B4GALNT3: variants seen among roughly 807,000 people sequenced by gnomAD.
B4GALNT3 encodes the protein beta-1,4-N-acetylgalactosaminyltransferase 3.
A neutral mutation model predicts 120.2 loss-of-function variants in B4GALNT3; 86 were observed. That is an observed-to-expected ratio of 0.72 (90% CI 0.60 to 0.86). The LOEUF is 0.86. Among genes scored for constraint, B4GALNT3 ranks in the 40% least tolerant of loss-of-function variants. The pLI, the probability that B4GALNT3 is intolerant of heterozygous loss-of-function variation, is 0.00. For missense variants in B4GALNT3, 1,167 were observed against 1,298.9 expected (o/e 0.90, Z 1.56); for synonymous variants, 518 against 510.4 (o/e 1.01, Z -0.20).
intron 11 of B4GALNT3, 131 bp downstream of exon 11, chr12:551,162 C>CT: frequency 1.3e-6 from 1 of 783,264 alleles, no homozygotes; most frequent in Non-Finnish European, 2.1e-6. Context: ...GACGTCCTCA[C>CT]AGGTCCCTGG....
intron 1 of B4GALNT3, among the ~76,000 whole-genome samples, chr12:508,604 C>T (rs758807948): frequency 3.9e-5 from 6 of 152,156 alleles, no homozygotes; most frequent in East Asian, 1.9e-4. Flanking sequence ...AGCCTCCGAT[C>T]GGCCTTATTC....
chr12:500,512 T>A (rs1366637039), intron 1 of B4GALNT3, among the ~76,000 whole-genome samples: 1 of 152,186 alleles, frequency 6.6e-6, no homozygotes, highest in African/African-American at 2.4e-5. Flanking sequence ...GGAGCCAGGA[T>A]AACTGAGCTG....
chr12:561,257 G>A (rs547058552), intron 19 of B4GALNT3, 86 bp from the exon 20 acceptor site: 482 of 1,002,698 alleles, frequency 4.8e-4, no homozygotes, highest in Middle Eastern at 8.3e-4. Flanking sequence ...CGTGGGGAGC[G>A]AACAGAGGGT....
chr12:556,076 C>T (rs182748817), intron 14 of B4GALNT3, among the ~76,000 whole-genome samples: 1 of 152,334 alleles, frequency 6.6e-6, no homozygotes, highest in Admixed American at 6.5e-5. Flanking sequence ...AGCCACTGCA[C>T]CTGGCATTGT....
intron 1 of B4GALNT3, among the ~76,000 whole-genome samples, chr12:461,096 C>G (rs913181829): frequency 6.6e-6 from 1 of 152,144 alleles, no homozygotes; most frequent in African/African-American, 2.4e-5. Flanking sequence ...AGAGTCCCGT[C>G]TCTTCCCCGC....
intron 1 of B4GALNT3, among the ~76,000 whole-genome samples, chr12:488,481 TTATA>T (rs1460816816): frequency 6.6e-6 from 1 of 152,168 alleles, no homozygotes; most frequent in Non-Finnish European, 1.5e-5. Context: ...TGATGTATGC[TTATA>T]TATAAGTGAA....
At chr12:532,971 G>A (rs1482131371) in intron 1 of B4GALNT3, among the ~76,000 whole-genome samples, 3 of 152,172 alleles carry the variant, frequency 2.0e-5, no homozygotes, top group Non-Finnish European at 4.4e-5. Flanking sequence ...CCACTGATGG[G>A]GCAGGCAGCA....
intron 1 of B4GALNT3, among the ~76,000 whole-genome samples, chr12:511,472 T>TCCACCTTCTTCCAC (rs1189308594): frequency 4.4e-4 from 12 of 27,042 alleles, no homozygotes; most frequent in East Asian, 2.0e-3. Context: ...CCTTCCACCT[T>TCCACCTTCTTCCAC]CTTCCACCTT....
In B4GALNT3 at chr12:471,982, C is replaced by G. The variant is rs1946141814; in HGVS notation, c.169+11437C>G. 2.0e-5 allele frequency among the ~76,000 whole-genome samples: 3 copies of G among 152,112 alleles called. No homozygotes were observed. In the South Asian group the frequency reaches 6.2e-4, roughly 32 times the overall value. Reference sequence around the variant, plus strand: ...TTTAATATTTTGCTGTGGGTATTTTCCAAAAGGAAGTCCTCTGGCTTGAAT... The same window carrying G: ...TTTAATATTTTGCTGTGGGTATTTTGCAAAAGGAAGTCCTCTGGCTTGAAT... On this transcript the variant is annotated intron_variant, in intron 1 of 19. Coordinates refer to ENST00000266383, the MANE Select transcript of B4GALNT3 (RefSeq NM_173593.4).
At position 552,099 on chromosome 12, in the gene B4GALNT3, C is replaced by T. The variant is rs200173452; in HGVS notation, c.1144C>T (p.Arg382Cys). ...TTTTGTTTACCCCAATGACTATACC[C>T]GCCTGAGCCACATGGAGACCCACAA... ...LSFVYPNDYTRLSHMETHNKC... is the reference protein window; with the variant it reads ...LSFVYPNDYTCLSHMETHNKC... Residue 382 changes from arginine to cysteine, a missense_variant, in exon 12 of 20, where the codon CGC (arginine) becomes TGC (cysteine). By Grantham distance (180) the Arg-to-Cys change is radical. Transcript: ENST00000266383. The T allele has an allele frequency of 1.2e-4, 189 of 1,613,032 alleles. No individual in the cohort carries two copies. Among genetic ancestry groups the T allele is most frequent in the Non-Finnish European group, 1.3e-4 (158 of 1,179,184 alleles).
At chr12:461,161 C>T (rs1266258254) in intron 1 of B4GALNT3, among the ~76,000 whole-genome samples, 4 of 152,268 alleles carry the variant, frequency 2.6e-5, no homozygotes, top group Admixed American at 6.5e-5. Context: ...GAATCTCCCA[C>T]CTCCTCGCTG....
intron 1 of B4GALNT3, among the ~76,000 whole-genome samples, chr12:523,065 A>C (rs534801532): frequency 6.6e-6 from 1 of 152,232 alleles, no homozygotes; most frequent in African/African-American, 2.4e-5. Flanking sequence ...TAAAGAAAGC[A>C]CTTCCTTCGA....
chr12:479,728 C>T (rs953355188), intron 1 of B4GALNT3, among the ~76,000 whole-genome samples: 5 of 152,068 alleles, frequency 3.3e-5, no homozygotes, highest in Admixed American at 1.3e-4. Flanking sequence ...GCAGAAGCCA[C>T]GTTGTAGAAT....
intron 3 of B4GALNT3, among the ~76,000 whole-genome samples, chr12:543,916 A>G (rs1259977352): frequency 3.1e-4 from 37 of 118,836 alleles, no homozygotes; most frequent in Non-Finnish European, 4.9e-4. Flanking sequence ...TGGGACGGGC[A>G]TGGGGTGCTC....
chr12:466,504 C>T (rs760416870), intron 1 of B4GALNT3, among the ~76,000 whole-genome samples: 20 of 152,200 alleles, frequency 1.3e-4, no homozygotes, highest in Admixed American at 3.9e-4. Context: ...AGTTTTCAGA[C>T]AATTCTTTGA....
Position 525,222 on chromosome 12 carries a change from C to T in B4GALNT3, c.170-9944C>T, listed in dbSNP as rs1482541990. ...CTCCTGGGTTCAAGCAGTTCTCCTG[C>T]CTCAGCCTCCCGAATAGCTGGGATT... On this transcript the variant is annotated intron_variant, in intron 1 of 19. Coordinates refer to ENST00000266383, the MANE Select transcript of B4GALNT3 (RefSeq NM_173593.4). Among the ~76,000 whole-genome samples, 5 of 152,214 alleles carry T rather than the reference C, an allele frequency of 3.3e-5. No homozygotes were observed. In the East Asian group the frequency reaches 7.7e-4, roughly 23 times the overall value.
intron 6 of B4GALNT3, among the ~76,000 whole-genome samples, chr12:546,230 GGGAGTGGGGAGGTGGGGAGAGGAGTAA>G (rs1565608458): frequency 9.4e-6 from 1 of 106,922 alleles, no homozygotes; most frequent in Non-Finnish European, 2.0e-5. Flanking sequence ...GTGGGAGGAG[GGGAGTGGGGAGGTGGGGAGAGGAGTAA>G]GGAGTGGGGA....
chr12:543,045 CCT>C, intron 3 of B4GALNT3: 1 of 1,196,012 alleles, frequency 8.4e-7, no homozygotes, highest in Non-Finnish European at 1.1e-6. Flanking sequence ...AGTTCCCTGT[CCT>C]CTCAGCTATT....
intron 16 of B4GALNT3, 119 bp from the exon 17 acceptor site, chr12:557,897 C>T: frequency 2.1e-6 from 3 of 1,461,556 alleles, no homozygotes; most frequent in Non-Finnish European, 2.8e-6. Flanking sequence ...CCAGAGGGCT[C>T]ACCTGCCCAT....
Sources: gnomAD v4.1 joint callset for allele counts (sites outside exome capture counted in the v4.1 genomes callset) on GRCh38, gnomAD v4.1.1 for gene constraint, MANE v1.5 for transcripts, NCBI Gene and HGNC (gene_info 2026-07-23, HGNC 2026-07-21) for gene names.